Variants in BICD1 observed in about 807,000 individuals in gnomAD.
BICD1 encodes protein bicaudal D homolog 1.
In BICD1, 35 loss-of-function variants were observed where a neutral mutation model predicts 92.5. The observed-to-expected ratio is 0.38, with a 90% CI of 0.29 to 0.50. The LOEUF is 0.50. BICD1 is among the 20% of genes least tolerant of loss of function. The pLI is 0.93. For missense variants in BICD1, 950 were observed against 1,189.8 expected (o/e 0.80, Z 2.97); for synonymous variants, 429 against 465.1 (o/e 0.92, Z 1.00).
intron 1 of BICD1, among the ~76,000 whole-genome samples, chr12:32,123,739 G>T (rs1445015102): frequency 2.6e-5 from 4 of 152,084 alleles, no homozygotes; most frequent in Non-Finnish European, 5.9e-5. Context: ...TAAGCCAGGC[G>T]TGGTGGCAGG....
At chr12:32,304,517 A>G (rs1948157953) in intron 3 of BICD1, among the ~76,000 whole-genome samples, 1 of 152,220 alleles carries the variant, frequency 6.6e-6, no homozygotes, top group Admixed American at 6.5e-5. Context: ...GGTGGATAAA[A>G]AAGTACTTAC....
At chr12:32,170,078 A>G (rs1943891041) in intron 1 of BICD1, among the ~76,000 whole-genome samples, 1 of 152,190 alleles carries the variant, frequency 6.6e-6, no homozygotes. Flanking sequence ...GTTTAATCCT[A>G]AGAAAAACCT....
intron 1 of BICD1, among the ~76,000 whole-genome samples, chr12:32,130,013 A>G (rs2683496): frequency 0.29 from 43,979 of 152,046 alleles, 6,597 homozygotes; most frequent in Admixed American, 0.43. Flanking sequence ...ATATAGGTAC[A>G]ATGAGTTTAT....
intron 9 of BICD1, 51 bp from the exon 10 acceptor site, chr12:32,377,489 C>A: frequency 6.9e-7 from 1 of 1,444,160 alleles, no homozygotes; most frequent in Non-Finnish European, 9.8e-7. Context: ...ACCATTGTGC[C>A]TGGCCCTTTG....
At chr12:32,189,850 C>T (rs1489560453) in intron 1 of BICD1, among the ~76,000 whole-genome samples, 1 of 152,004 alleles carries the variant, frequency 6.6e-6, no homozygotes, top group Non-Finnish European at 1.5e-5. Context: ...AGGCACGCAC[C>T]ACCATGCCAG....
intron 1 of BICD1, among the ~76,000 whole-genome samples, chr12:32,213,059 A>C (rs113199079): frequency 0.04 from 6,133 of 152,302 alleles, 155 homozygotes; most frequent in Non-Finnish European, 0.065. Context: ...AAGGAAACAG[A>C]AATTGACGTT....
intron 1 of BICD1, among the ~76,000 whole-genome samples, chr12:32,132,760 G>C (rs767582807): frequency 6.6e-6 from 1 of 152,180 alleles, no homozygotes; most frequent in Non-Finnish European, 1.5e-5. Flanking sequence ...GAGAAGTCTG[G>C]ATTTTATTTT....
chr12:32,380,435 T>C lies in BICD1; in HGVS notation c.*2808T>C, dbSNP rs1485421316. 1 of 152,202 alleles carries C rather than the reference T, an allele frequency of 6.6e-6. No homozygotes were observed. The allele number at this position is 152,202 out of a possible 1,614,324, so 9.4% of individuals were successfully genotyped here. A position where few individuals can be genotyped will look rare whatever the true frequency, so the allele number is the denominator to read the frequency against. ...CAGAAATGCACTAAAAAATACTGGC[T>C]AATTATTGCAAACAGAGTGAGCAAA... On this transcript the variant is annotated 3_prime_UTR_variant, in exon 10 of 10. Coordinates refer to ENST00000652176, the MANE Select transcript of BICD1 (RefSeq NM_001714.4).
At chr12:32,117,936 G>T (rs1280513285) in intron 1 of BICD1, among the ~76,000 whole-genome samples, 1 of 150,862 alleles carries the variant, frequency 6.6e-6, no homozygotes, top group Non-Finnish European at 1.5e-5. Flanking sequence ...TTTTAGTAGA[G>T]ACAGGGTTTC....
chr12:32,157,063 CGTT>C (rs1943460499), intron 1 of BICD1, among the ~76,000 whole-genome samples: 1 of 151,916 alleles, frequency 6.6e-6, no homozygotes, highest in Non-Finnish European at 1.5e-5. Flanking sequence ...TACATGTGCT[CGTT>C]ATTATTTTTC....
intron 2 of BICD1, among the ~76,000 whole-genome samples, chr12:32,222,865 G>A (rs1013601645): frequency 1.4e-4 from 21 of 152,226 alleles, no homozygotes; most frequent in African/African-American, 5.1e-4. Flanking sequence ...CATCTTGGAC[G>A]CAGAGAGCAG....
At chr12:32,319,742 T>C (rs1948598567) in intron 4 of BICD1, among the ~76,000 whole-genome samples, 1 of 152,116 alleles carries the variant, frequency 6.6e-6, no homozygotes, top group Admixed American at 6.6e-5. Context: ...CACATCAGGC[T>C]AATTTTTGTA....
chr12:32,128,819 C>T (rs965141327), intron 1 of BICD1, among the ~76,000 whole-genome samples: 4 of 152,076 alleles, frequency 2.6e-5, no homozygotes, highest in African/African-American at 4.8e-5. Flanking sequence ...GTTGCGCAGG[C>T]TAGAATGCAA....
chr12:32,229,031 C>T (rs1945790162), intron 2 of BICD1, among the ~76,000 whole-genome samples: 1 of 152,042 alleles, frequency 6.6e-6, no homozygotes, highest in Non-Finnish European at 1.5e-5. Context: ...GAGCGGATTA[C>T]TTGAGGCCAG....
intron 2 of BICD1, among the ~76,000 whole-genome samples, chr12:32,239,293 G>A (rs1946168060): frequency 6.7e-6 from 1 of 149,804 alleles, no homozygotes. Flanking sequence ...TTGGCCGGGC[G>A]CTGTGGCTTA....
intron 1 of BICD1, among the ~76,000 whole-genome samples, chr12:32,125,700 A>G (rs1478079321): frequency 6.6e-6 from 1 of 152,154 alleles, no homozygotes; most frequent in Middle Eastern, 3.2e-3. Flanking sequence ...ACTACTTGGT[A>G]AGGATGCTCA....
chr12:32,265,902 A>G (rs767744177), intron 2 of BICD1, among the ~76,000 whole-genome samples: 2 of 152,178 alleles, frequency 1.3e-5, no homozygotes, highest in Non-Finnish European at 2.9e-5. Flanking sequence ...TAAAGAATGT[A>G]CACTGTTCTC....
At chr12:32,223,895 G>A (rs1419670518) in intron 2 of BICD1, among the ~76,000 whole-genome samples, 1 of 152,202 alleles carries the variant, frequency 6.6e-6, no homozygotes, top group African/African-American at 2.4e-5. Flanking sequence ...TGGCTGGTCA[G>A]TGGAGTAGTC....
intron 1 of BICD1, among the ~76,000 whole-genome samples, chr12:32,175,583 G>T (rs1019637044): frequency 1.3e-5 from 2 of 152,150 alleles, no homozygotes; most frequent in African/African-American, 4.8e-5. Flanking sequence ...TCCCCAAAGT[G>T]CTGAGACGAC....
Sources: gnomAD v4.1 joint callset for allele counts (sites outside exome capture counted in the v4.1 genomes callset) on GRCh38, gnomAD v4.1.1 for gene constraint, MANE v1.5 for transcripts, NCBI Gene and HGNC (gene_info 2026-07-23, HGNC 2026-07-21) for gene names.